CUL3: variants seen among roughly 807,000 people sequenced by gnomAD.
CUL3 encodes cullin-3.
CUL3 carries 19 observed loss-of-function variants against 89.1 expected under a neutral mutation model. The observed-to-expected ratio is 0.21, with a 90% CI of 0.15 to 0.31. The LOEUF (loss-of-function observed/expected upper bound fraction) is 0.31. CUL3 is among the 10% of genes least tolerant of loss of function. The pLI, the probability that CUL3 is intolerant of heterozygous loss-of-function variation, is 1.00. For missense variants in CUL3, 469 were observed against 942.3 expected (o/e 0.50, Z 6.58); for synonymous variants, 351 against 308.4 (o/e 1.14, Z -1.45).
At chr2:224,502,762 C>T (rs901636525) in intron 10 of CUL3, among the ~76,000 whole-genome samples, 2 of 152,098 alleles carry the variant, frequency 1.3e-5, no homozygotes, top group East Asian at 1.9e-4. Flanking sequence ...GAAGAAACAA[C>T]TAAATTTTAA....
rs1695544394 is a variant in CUL3 at position 224,584,932 on chromosome 2, G to T, written c.66+12C>A. 2 of 1,474,652 alleles carry T rather than the reference G, an allele frequency of 1.4e-6. No homozygotes were observed. The highest frequency in any genetic ancestry group is 2.9e-5 in the East Asian group (1 of 34,100). 91.3% of individuals were successfully genotyped at this position (1,474,652 alleles called of 1,614,324 possible). Reference sequence around the variant, plus strand: ...CCGGCCCCGGGGTCCCGGACGCCGAGGAGAGACTCACCGGAAAGGCCCGGA... The same window carrying T: ...CCGGCCCCGGGGTCCCGGACGCCGATGAGAGACTCACCGGAAAGGCCCGGA... On this transcript the variant is annotated intron_variant, in intron 1 of 15. Coordinates refer to ENST00000264414, the MANE Select transcript of CUL3 (RefSeq NM_003590.5).
intron 1 of CUL3, among the ~76,000 whole-genome samples, chr2:224,576,410 T>G (rs1695299029): frequency 6.6e-6 from 1 of 152,188 alleles, no homozygotes; most frequent in Non-Finnish European, 1.5e-5. Context: ...CTGACTACCC[T>G]GCTACATACA....
intron 13 of CUL3, among the ~76,000 whole-genome samples, chr2:224,494,337 T>A (rs557857146): frequency 2.8e-4 from 42 of 152,230 alleles, no homozygotes; most frequent in Non-Finnish European, 5.7e-4. Context: ...TTAATGTGAA[T>A]CACATGACCT....
intron 3 of CUL3, among the ~76,000 whole-genome samples, chr2:224,521,642 G>C (rs1272086691): frequency 1.3e-5 from 2 of 151,962 alleles, no homozygotes; most frequent in Non-Finnish European, 2.9e-5. Flanking sequence ...TGTTGGGCCA[G>C]GCTGGTCTCT....
intron 14 of CUL3, among the ~76,000 whole-genome samples, chr2:224,481,286 A>G (rs372214235): frequency 1.3e-5 from 2 of 151,962 alleles, no homozygotes; most frequent in Non-Finnish European, 2.9e-5. Context: ...TTTAAACATC[A>G]ATCAGCAAGG....
chr2:224,568,171 A>T (rs542581197), intron 1 of CUL3, among the ~76,000 whole-genome samples: 2 of 152,322 alleles, frequency 1.3e-5, no homozygotes, highest in African/African-American at 4.8e-5. Context: ...TGAACTCCTC[A>T]AGCAAAGTTA....
At chr2:224,581,296 T>TGAGGCAGAA (rs1695430938) in intron 1 of CUL3, among the ~76,000 whole-genome samples, 1 of 150,864 alleles carries the variant, frequency 6.6e-6, no homozygotes, top group Admixed American at 6.6e-5. Flanking sequence ...TTGGGGAGGC[T>TGAGGCAGAA]GAGGCAGAAG....
chr2:224,494,449 A>G (rs1162205105), intron 13 of CUL3, among the ~76,000 whole-genome samples: 2 of 152,172 alleles, frequency 1.3e-5, no homozygotes, highest in African/African-American at 4.8e-5. Context: ...AAAGGAAAAA[A>G]AAGCATATTA....
chr2:224,577,227 T>C (rs760200597), intron 1 of CUL3, among the ~76,000 whole-genome samples: 1 of 152,186 alleles, frequency 6.6e-6, no homozygotes, highest in Non-Finnish European at 1.5e-5. Context: ...AGCAGTCTCA[T>C]TTTACACAGG....
At position 224,555,495 on chromosome 2, in the gene CUL3, T is replaced by C. The variant is rs185238741; in HGVS notation, c.264+2164A>G. 2.6e-5 allele frequency among the ~76,000 whole-genome samples: 4 copies of C among 152,270 alleles called. No individual in the cohort carries two copies. In the East Asian group the frequency reaches 7.7e-4, roughly 29 times the overall value. Reference sequence around the variant, plus strand: ...TAAAATCACATCTTCAAATATTCTGTCACATTTTCACCCACTTAAAAACCT... The same window carrying C: ...TAAAATCACATCTTCAAATATTCTGCCACATTTTCACCCACTTAAAAACCT... On this transcript the variant is annotated intron_variant, in intron 2 of 15. Transcript: ENST00000264414.
intron 1 of CUL3, among the ~76,000 whole-genome samples, chr2:224,566,838 T>TA (rs1360205897): frequency 6.6e-6 from 1 of 152,230 alleles, no homozygotes; most frequent in Admixed American, 6.5e-5. Flanking sequence ...CAATATGAGA[T>TA]AAAAAAGTAT....
intron 2 of CUL3, among the ~76,000 whole-genome samples, chr2:224,539,157 G>C (rs895615605): frequency 6.6e-6 from 1 of 152,162 alleles, no homozygotes; most frequent in African/African-American, 2.4e-5. Flanking sequence ...AAAGGCAAAA[G>C]ATCTTGACAG....
intron 6 of CUL3, among the ~76,000 whole-genome samples, chr2:224,509,429 T>C (rs372004418): frequency 7.7e-4 from 117 of 152,306 alleles, no homozygotes; most frequent in African/African-American, 2.7e-3. Flanking sequence ...TTTGCCCAGG[T>C]TGGTCTTAAA....
chr2:224,502,354 T>C (rs1692424636), intron 10 of CUL3, among the ~76,000 whole-genome samples: 2 of 152,212 alleles, frequency 1.3e-5, no homozygotes, highest in Admixed American at 6.5e-5. Context: ...AAAATGAAAC[T>C]AAATTCTGAA....
At chr2:224,500,586 C>A in intron 10 of CUL3, 99 bp from the exon 11 acceptor site, 1 of 1,059,786 alleles carries the variant, frequency 9.4e-7, no homozygotes, top group Non-Finnish European at 1.3e-6. Flanking sequence ...CAGTTAGCTC[C>A]ATGTCTAATA....
At chr2:224,577,781 T>C (rs1008139300) in intron 1 of CUL3, among the ~76,000 whole-genome samples, 2 of 152,196 alleles carry the variant, frequency 1.3e-5, no homozygotes, top group African/African-American at 2.4e-5. Flanking sequence ...AATTAAAGCA[T>C]TAAAGTACTA....
chr2:224,505,734 C>G (rs1229093633), intron 8 of CUL3: 1 of 259,844 alleles, frequency 3.8e-6, no homozygotes, highest in African/African-American at 2.2e-5. Context: ...CCAAGCCCAT[C>G]CAGTTGCTTG....
intron 1 of CUL3, among the ~76,000 whole-genome samples, chr2:224,558,876 CAAAAAATATACTAAATATACA>C (rs1485046177): frequency 8.7e-5 from 1 of 11,432 alleles, no homozygotes; most frequent in East Asian, 4.6e-3. Flanking sequence ...ACTAAATATA[CAAAAAATATACTAAATATACA>C]AAAAAAAGAT....
Position 224,549,189 on chromosome 2 carries a change from C to T in CUL3, c.264+8470G>A, listed in dbSNP as rs1195004611. 5.3e-5 allele frequency among the ~76,000 whole-genome samples: 8 copies of T among 152,146 alleles called. No homozygotes were observed. The East Asian group carries it at 5.8e-4, about 11-fold the overall frequency. On this transcript the variant is annotated intron_variant, in intron 2 of 15. Coordinates refer to ENST00000264414, the MANE Select transcript of CUL3 (RefSeq NM_003590.5). ...AAGATTGGCCGAGCATGGTGGCACA[C>T]GCCTGTAATCCCAGCTACTCGGAAG...
Sources: allele counts gnomAD v4.1 joint callset (sites outside exome capture counted in the v4.1 genomes callset), GRCh38; gene constraint gnomAD v4.1.1; transcripts MANE v1.5; gene names NCBI Gene and HGNC (gene_info 2026-07-23, HGNC 2026-07-21).